Variants in RABGAP1 observed in about 807,000 individuals in gnomAD.
RABGAP1 encodes rab GTPase-activating protein 1.
RABGAP1 carries 23 observed loss-of-function variants against 137.6 expected under a neutral mutation model. The ratio of observed to expected loss-of-function variants is 0.17; its 90% CI spans 0.12 to 0.24. The LOEUF is 0.24. Ranked by LOEUF, RABGAP1 falls within the 10% of genes least tolerant of loss-of-function variation. The probability of loss-of-function intolerance (pLI) is 1.00; values close to 1 mark genes in which losing one functional copy is unlikely to be tolerated. For synonymous variants in RABGAP1, 451 were observed against 450.7 expected, an observed-to-expected ratio of 1.00 and a Z score of -0.01; for missense variants, 906 against 1,275.8, an observed-to-expected ratio of 0.71 and a Z score of 4.42.
chr9:123,085,248 G>C (rs752623294), intron 19 of RABGAP1, among the ~76,000 whole-genome samples: 4 of 152,158 alleles, frequency 2.6e-5, no homozygotes, highest in African/African-American at 4.8e-5. Context: ...TGGGACAATG[G>C]ACAGGCCTCA....
At position 123,103,957 on chromosome 9, in the gene RABGAP1, A is replaced by ATGTGTTTG. The variant is rs2035420670; in HGVS notation, c.*750_*757dup. ...ACATGGACAAATCTTATTTTGCTTA[A>ATGTGTTTG]TGTGTTTGTGTGTGTGTGTGTGTGT... On this transcript the variant is annotated 3_prime_UTR_variant, in exon 26 of 26. Coordinates refer to ENST00000373647, the MANE Select transcript of RABGAP1 (RefSeq NM_012197.4). The ATGTGTTTG allele has an allele frequency of 1.1e-5, 1 of 93,020 alleles. No individual in the cohort carries two copies. Among genetic ancestry groups the ATGTGTTTG allele is most frequent in the African/African-American group, 4.0e-5 (1 of 24,948 alleles). The allele number at this position is 93,020 out of a possible 1,614,324, so 5.8% of individuals were successfully genotyped here.
intron 2 of RABGAP1, among the ~76,000 whole-genome samples, chr9:122,961,974 G>T (rs1751862069): frequency 6.6e-6 from 1 of 152,024 alleles, no homozygotes; most frequent in South Asian, 2.1e-4. Context: ...TATAAGAAAA[G>T]CTGTAAATGT....
chr9:123,043,927 G>A (rs2033080115), intron 13 of RABGAP1, among the ~76,000 whole-genome samples: 1 of 144,522 alleles, frequency 6.9e-6, no homozygotes, highest in African/African-American at 2.6e-5. Flanking sequence ...TTGAGACGGA[G>A]TCTCACTCAG....
chr9:122,996,666 T>C, intron 8 of RABGAP1, 61 bp downstream of exon 8: 10 of 1,350,562 alleles, frequency 7.4e-6, no homozygotes, highest in Non-Finnish European at 1.0e-5. Context: ...TTGTTTCACT[T>C]TTTCTCATCT....
intron 2 of RABGAP1, among the ~76,000 whole-genome samples, chr9:122,959,280 A>C (rs1834714895): frequency 6.7e-6 from 1 of 148,260 alleles, no homozygotes; most frequent in African/African-American, 2.5e-5. Flanking sequence ...CAAAGTAAAA[A>C]GCAGTAAAGG....
At chr9:123,010,181 T>G (rs903627109) in intron 10 of RABGAP1, among the ~76,000 whole-genome samples, 173 bp from the exon 11 acceptor site, 3 of 152,128 alleles carry the variant, frequency 2.0e-5, no homozygotes, top group African/African-American at 7.2e-5. Flanking sequence ...TTTAAAAAGT[T>G]ACTTCTAATG....
rs760336084 is a variant in RABGAP1 at position 122,998,667 on chromosome 9, C to T, written c.1275C>T (p.Leu425=). The change falls in exon 10 of 26, where the codon CTC becomes CTT. Residue 425 remains leucine, a synonymous_variant. Coordinates refer to ENST00000373647, the MANE Select transcript of RABGAP1 (RefSeq NM_012197.4). ...AAGTACAGGAGCCTGTTCGATTTCT[C>T]CTGGAGACAAAAGTCCGCGTTTGCT... ...ITEVQEPVRF[L]LETKVRVCSP... 6.2e-7 allele frequency: 1 copy of T among 1,612,010 alleles called. No homozygotes were observed. Among genetic ancestry groups the T allele is most frequent in the Non-Finnish European group, 8.5e-7 (1 of 1,178,178 alleles).
intron 12 of RABGAP1, among the ~76,000 whole-genome samples, chr9:123,019,988 T>C (rs567723434): frequency 6.6e-6 from 1 of 152,116 alleles, no homozygotes; most frequent in African/African-American, 2.4e-5. Context: ...CCGGCCATCT[T>C]TTTTATATAA....
chr9:123,094,461 A>T (rs756761197), intron 21 of RABGAP1, among the ~76,000 whole-genome samples: 1 of 152,132 alleles, frequency 6.6e-6, no homozygotes, highest in Non-Finnish European at 1.5e-5. Flanking sequence ...TTTCTCCTTA[A>T]TTTTGTTAAT....
intron 13 of RABGAP1, chr9:123,035,602 G>T (rs2131997836): frequency 6.3e-7 from 1 of 1,587,234 alleles, no homozygotes; most frequent in Non-Finnish European, 8.5e-7. Flanking sequence ...CCCTCTTAAT[G>T]GATGTCATAT....
intron 2 of RABGAP1, among the ~76,000 whole-genome samples, chr9:122,973,101 G>A (rs1318654980): frequency 6.6e-6 from 1 of 151,738 alleles, no homozygotes; most frequent in African/African-American, 2.4e-5. Context: ...TTCCATAAAA[G>A]CAGAACATGT....
intron 4 of RABGAP1, among the ~76,000 whole-genome samples, chr9:122,986,848 C>G (rs761330615): frequency 7.9e-5 from 12 of 152,084 alleles, no homozygotes; most frequent in Non-Finnish European, 1.5e-4. Context: ...AGAAAACTGG[C>G]TAGGTGCAGT....
chr9:122,978,877 CATTTTATTTT>C (rs71388334), intron 2 of RABGAP1, among the ~76,000 whole-genome samples: 3 of 150,248 alleles, frequency 2.0e-5, no homozygotes, highest in South Asian at 2.1e-4. Context: ...TTTAGTCATT[CATTTTATTTT>C]ATTTTATTTT....
chr9:123,023,771 G>GTGTA (rs921982925), intron 13 of RABGAP1, among the ~76,000 whole-genome samples: 6 of 151,712 alleles, frequency 4.0e-5, no homozygotes, highest in African/African-American at 1.4e-4. Context: ...CAATATTTGT[G>GTGTA]TATATATATA....
intron 4 of RABGAP1, among the ~76,000 whole-genome samples, chr9:122,988,261 T>C (rs1471267009): frequency 6.6e-6 from 1 of 152,228 alleles, no homozygotes; most frequent in Non-Finnish European, 1.5e-5. Context: ...TTAGATCCTC[T>C]TCCTAGGTAT....
intron 24 of RABGAP1, 45 bp downstream of exon 24, chr9:123,099,594 T>C (rs2035282575): frequency 4.6e-6 from 7 of 1,517,778 alleles, no homozygotes; most frequent in Non-Finnish European, 6.4e-6. Context: ...ACCTACTTCA[T>C]TTTATGGCTG....
Position 122,988,499 on chromosome 9 carries a change from AT to A in RABGAP1, c.591-785del, listed in dbSNP as rs71388335. On this transcript the variant is annotated intron_variant, in intron 4 of 25. Coordinates refer to ENST00000373647, the MANE Select transcript of RABGAP1 (RefSeq NM_012197.4). The stretch of plus-strand genomic sequence containing the variant: ...TGGCATCCTTTTGCTTTTATTCATG[AT>A]TTTTTTTTTTTTGAGGAGTTAACAT... 5.9e-3 allele frequency among the ~76,000 whole-genome samples: 854 copies of A among 144,004 alleles called. 23 individuals are homozygous for A. Among genetic ancestry groups the A allele is most frequent in the Admixed American group, 0.038 (557 of 14,518 alleles). 94.5% of individuals were successfully genotyped at this position (144,004 alleles called of 152,430 possible).
chr9:123,029,108 G>C (rs900250604), intron 13 of RABGAP1, among the ~76,000 whole-genome samples: 1 of 152,106 alleles, frequency 6.6e-6, no homozygotes, highest in Non-Finnish European at 1.5e-5. Flanking sequence ...AGTGGCAAAG[G>C]GATGGGGAAA....
At chr9:123,081,645 G>C (rs1444310947) in intron 19 of RABGAP1, among the ~76,000 whole-genome samples, 2 of 151,754 alleles carry the variant, frequency 1.3e-5, no homozygotes, top group Admixed American at 1.3e-4. Flanking sequence ...GTCTCTTTGT[G>C]TTGCCCAGGC....
Sources: gnomAD v4.1 joint callset for allele counts (sites outside exome capture counted in the v4.1 genomes callset) on GRCh38, gnomAD v4.1.1 for gene constraint, MANE v1.5 for transcripts, NCBI Gene and HGNC (gene_info 2026-07-23, HGNC 2026-07-21) for gene names.